P3H2: variants seen among roughly 807,000 people sequenced by gnomAD.
The protein encoded by P3H2 is leprecan-like 1.
Under a neutral mutation model 87.0 loss-of-function variants are expected in P3H2, and 80 were observed. That is an observed-to-expected ratio of 0.92 (90% CI 0.77 to 1.11). The LOEUF (loss-of-function observed/expected upper bound fraction) is 1.11, where lower values mean the gene tolerates loss of function less well. Among genes scored for constraint, P3H2 ranks in the 50% least tolerant of loss-of-function variants. The pLI is 0.00. For missense variants in P3H2, 1,001 were observed against 923.9 expected, an observed-to-expected ratio of 1.08 and a Z score of -1.08; for synonymous variants, 367 against 359.3, an observed-to-expected ratio of 1.02 and a Z score of -0.24.
At chr3:190,052,083 T>C (rs552520908) in intron 1 of P3H2, among the ~76,000 whole-genome samples, 16 of 152,294 alleles carry the variant, frequency 1.1e-4, no homozygotes, top group Middle Eastern at 3.4e-3. Context: ...ATTTTTAAAA[T>C]AAATTTTACT....
chr3:189,957,439 A>T lies in P3H2; in HGVS notation c.*473T>A. ...TAAGCTTTTGAATTTGCAGCAACTT[A>T]ATTGTGTGTGTGTGTGTGTGTGTGT... On this transcript the variant is annotated 3_prime_UTR_variant, in exon 15 of 15. Transcript: ENST00000319332. 1 of 311,776 alleles carries T rather than the reference A, an allele frequency of 3.2e-6. No homozygotes were observed. The allele number at this position is 311,776 out of a possible 1,614,324, so 19.3% of individuals were successfully genotyped here.
chr3:189,987,983 T>C (rs1461177028), intron 4 of P3H2, among the ~76,000 whole-genome samples: 2 of 152,234 alleles, frequency 1.3e-5, no homozygotes, highest in African/African-American at 4.8e-5. Context: ...TATGAGTTAA[T>C]TCTGATTTTT....
At chr3:190,033,285 G>A (rs1725315914) in intron 1 of P3H2, among the ~76,000 whole-genome samples, 1 of 151,034 alleles carries the variant, frequency 6.6e-6, no homozygotes, top group African/African-American at 2.5e-5. Flanking sequence ...TCCGTGACCT[G>A]GGGGTTGTGG....
At chr3:189,967,940 GA>G (rs1723051206) in intron 13 of P3H2, among the ~76,000 whole-genome samples, 1 of 152,076 alleles carries the variant, frequency 6.6e-6, no homozygotes, top group South Asian at 2.1e-4. Context: ...TCACTAATGA[GA>G]AAAGCATGTA....
At chr3:190,093,875 C>T (rs1727490288) in intron 1 of P3H2, among the ~76,000 whole-genome samples, 2 of 152,082 alleles carry the variant, frequency 1.3e-5, no homozygotes, top group Non-Finnish European at 2.9e-5. Flanking sequence ...GAAGATTATA[C>T]GCTATAAGTT....
intron 3 of P3H2, among the ~76,000 whole-genome samples, chr3:189,991,207 A>C (rs1397750796): frequency 6.6e-6 from 1 of 152,236 alleles, no homozygotes; most frequent in East Asian, 1.9e-4. Context: ...GATCCAAAAA[A>C]ATAAAACTTT....
intron 1 of P3H2, among the ~76,000 whole-genome samples, 180 bp downstream of exon 1, chr3:190,120,072 T>G (rs1712476663): frequency 6.6e-6 from 1 of 152,232 alleles, no homozygotes; most frequent in Non-Finnish European, 1.5e-5. Context: ...CTTGTCCAAG[T>G]TAATCAATTG....
chr3:189,996,074 G>A (rs948193622), intron 1 of P3H2, among the ~76,000 whole-genome samples: 1 of 152,116 alleles, frequency 6.6e-6, no homozygotes, highest in Non-Finnish European at 1.5e-5. Flanking sequence ...ATTAAAAGTA[G>A]AACTACCATA....
intron 1 of P3H2, among the ~76,000 whole-genome samples, chr3:190,028,800 GATTTT>G (rs1725165454): frequency 6.6e-6 from 1 of 151,822 alleles, no homozygotes; most frequent in African/African-American, 2.4e-5. Context: ...GTTTTACAAT[GATTTT>G]ATTATTTTAA....
At chr3:190,090,581 T>C (rs1206991291) in intron 1 of P3H2, among the ~76,000 whole-genome samples, 11 of 152,042 alleles carry the variant, frequency 7.2e-5, no homozygotes, top group Admixed American at 7.2e-4. Flanking sequence ...CGGGCACCTG[T>C]AGTCCCAGCT....
intron 3 of P3H2, among the ~76,000 whole-genome samples, chr3:189,990,105 G>A (rs76130770): frequency 6.6e-6 from 1 of 152,010 alleles, no homozygotes. Flanking sequence ...GTTTGGCTTG[G>A]ATCTTGGTGA....
chr3:189,988,980 G>A lies in P3H2; in HGVS notation c.882C>T (p.Arg294=), dbSNP rs775302118. The A allele has an allele frequency of 6.2e-7, 1 of 1,614,072 alleles. No individual in the cohort carries two copies. The highest frequency in any genetic ancestry group is 8.5e-7 in the Non-Finnish European group (1 of 1,180,006). ...QHECVRELAT[R]PGRLSPIENF... ...TCTCGATGGGAGAGAGGCGGCCAGG[G>A]CGGGTGGCAAGTTCCCTCACACATT... is the stretch of plus-strand genomic sequence containing the variant. The change falls in exon 4 of 15, where the codon CGC becomes CGT. Residue 294 remains arginine, a synonymous_variant. Transcript: ENST00000319332.
intron 1 of P3H2, among the ~76,000 whole-genome samples, chr3:190,095,746 G>A (rs563178529): frequency 1.3e-5 from 2 of 151,896 alleles, no homozygotes; most frequent in East Asian, 1.9e-4. Flanking sequence ...GACTACAGGC[G>A]CCCGCCACCA....
intron 1 of P3H2, among the ~76,000 whole-genome samples, chr3:190,047,262 T>C (rs1623094): frequency 0.82 from 124,374 of 152,132 alleles, 51,032 homozygotes; most frequent in East Asian, 0.88. Context: ...GACCTGACAA[T>C]GATGTTGGTA....
Position 189,984,550 on chromosome 3 carries a change from C to T in P3H2, c.1229G>A (p.Arg410Gln), listed in dbSNP as rs774914899. 1.4e-5 allele frequency: 23 copies of T among 1,610,594 alleles called. 1 individual carries two copies. Among genetic ancestry groups the T allele is most frequent in the Middle Eastern group, 1.6e-4 (1 of 6,068 alleles). Residue 410 changes from arginine to glutamine, a missense_variant and splice_region_variant, in exon 7 of 15, where the codon CGG (arginine) becomes CAG (glutamine). Transcript: ENST00000319332. ...IRYGGRQDEN[R>Q]VPSGVNVEGA... ...CAGTTTGCATTCTGAATGGACTTAC[C>T]GATTCTCATCCTGTCGTCCTCCATA... is the stretch of plus-strand genomic sequence containing the variant.
chr3:190,069,760 A>C (rs1726632622), intron 1 of P3H2, among the ~76,000 whole-genome samples: 1 of 152,166 alleles, frequency 6.6e-6, no homozygotes, highest in African/African-American at 2.4e-5. Flanking sequence ...ATGAAAGTGA[A>C]ATAGTGCTAA....
At chr3:190,016,588 T>C (rs1399677302) in intron 1 of P3H2, among the ~76,000 whole-genome samples, 2 of 152,216 alleles carry the variant, frequency 1.3e-5, no homozygotes, top group African/African-American at 4.8e-5. Flanking sequence ...GTGAAATGAA[T>C]GCCAATTGTG....
intron 1 of P3H2, among the ~76,000 whole-genome samples, chr3:190,113,789 TAAAG>T (rs893208594): frequency 1.3e-4 from 20 of 152,222 alleles, no homozygotes; most frequent in African/African-American, 4.6e-4. Context: ...TTTCCATTGT[TAAAG>T]GAGGCCGGGC....
At chr3:190,087,338 C>T (rs1426287409) in intron 1 of P3H2, among the ~76,000 whole-genome samples, 1 of 151,800 alleles carries the variant, frequency 6.6e-6, no homozygotes, top group Admixed American at 6.6e-5. Context: ...AGATCGAGAC[C>T]ATCCTGGCTA....
Sources: gnomAD v4.1 joint callset for allele counts (sites outside exome capture counted in the v4.1 genomes callset) on GRCh38, gnomAD v4.1.1 for gene constraint, MANE v1.5 for transcripts, NCBI Gene and HGNC (gene_info 2026-07-23, HGNC 2026-07-21) for gene names.